MAPK4: variants seen among roughly 807,000 people sequenced by gnomAD.
MAPK4 encodes Erk3-related.
Under a neutral mutation model 47.7 loss-of-function variants are expected in MAPK4, and 22 were observed. The ratio of observed to expected loss-of-function variants is 0.46; its 90% CI spans 0.33 to 0.66. MAPK4 has a LOEUF of 0.66. MAPK4 is among the 30% of genes least tolerant of loss of function. MAPK4 has a pLI of 0.02. For synonymous variants in MAPK4, 390 were observed against 365.7 expected, an observed-to-expected ratio of 1.07 and a Z score of -0.76; for missense variants, 736 against 831.7, an observed-to-expected ratio of 0.88 and a Z score of 1.42.
chr18:50,685,869 C>T (rs756220881), intron 2 of MAPK4, among the ~76,000 whole-genome samples: 11 of 152,132 alleles, frequency 7.2e-5, no homozygotes, highest in South Asian at 2.1e-4. Context: ...GCTGTTTTCT[C>T]GGTGGCACTG....
At chr18:50,601,232 G>A (rs1351815522) in intron 1 of MAPK4, among the ~76,000 whole-genome samples, 1 of 148,694 alleles carries the variant, frequency 6.7e-6, no homozygotes, top group African/African-American at 2.5e-5. Flanking sequence ...TACATGGAAA[G>A]CTGAGGTGGG....
At chr18:50,595,612 G>T (rs1294326547) in intron 1 of MAPK4, among the ~76,000 whole-genome samples, 2 of 152,180 alleles carry the variant, frequency 1.3e-5, no homozygotes, top group Non-Finnish European at 2.9e-5. Flanking sequence ...CTTGATTGTG[G>T]TGATGGTCAT....
chr18:50,712,975 A>C (rs914360647), intron 2 of MAPK4, among the ~76,000 whole-genome samples: 1 of 152,218 alleles, frequency 6.6e-6, no homozygotes, highest in Non-Finnish European at 1.5e-5. Context: ...CTAACAGCCT[A>C]CTGTACACAC....
At chr18:50,603,828 A>G (rs2042561350) in intron 1 of MAPK4, among the ~76,000 whole-genome samples, 1 of 152,230 alleles carries the variant, frequency 6.6e-6, no homozygotes, top group South Asian at 2.1e-4. Flanking sequence ...AGGTTGTAAT[A>G]GCCTTCTATT....
Position 50,611,679 on chromosome 18 carries a change from G to A in MAPK4, c.-870-51410G>A, listed in dbSNP as rs116395055. ...CTTCAGGGAGTCATTTAATGACGTA[G>A]CGTTTGATCTTCAGGGTTTGCAGAG... On this transcript the variant is annotated intron_variant, in intron 1 of 5. Transcript: ENST00000400384. Among the ~76,000 whole-genome samples, 785 of 152,304 alleles carry A rather than the reference G, an allele frequency of 5.2e-3. 7 individuals carry two copies. Among genetic ancestry groups the A allele is most frequent in the African/African-American group, 0.018 (746 of 41,558 alleles).
intron 2 of MAPK4, among the ~76,000 whole-genome samples, chr18:50,703,205 C>T (rs1909880733): frequency 6.6e-6 from 1 of 152,202 alleles, no homozygotes; most frequent in African/African-American, 2.4e-5. Context: ...TCCATCCCCA[C>T]TGCCTGTACT....
chr18:50,684,342 C>T (rs1268378023), intron 2 of MAPK4, among the ~76,000 whole-genome samples: 3 of 151,862 alleles, frequency 2.0e-5, no homozygotes, highest in South Asian at 2.1e-4. Flanking sequence ...GCCAGGAGTT[C>T]GAGACCAGCC....
At chr18:50,717,972 T>A (rs1290943460) in intron 3 of MAPK4, among the ~76,000 whole-genome samples, 1 of 152,070 alleles carries the variant, frequency 6.6e-6, no homozygotes, top group African/African-American at 2.4e-5. Flanking sequence ...AAAGGGACAG[T>A]GAGGAGGCAG....
chr18:50,723,355 C>T (rs1911028337), intron 4 of MAPK4, among the ~76,000 whole-genome samples: 1 of 152,168 alleles, frequency 6.6e-6, no homozygotes, highest in African/African-American at 2.4e-5. Flanking sequence ...ATTCCATCAG[C>T]CCCAGGCACA....
chr18:50,653,592 G>C (rs964262067), intron 1 of MAPK4, among the ~76,000 whole-genome samples: 2 of 152,214 alleles, frequency 1.3e-5, no homozygotes, highest in Non-Finnish European at 1.5e-5. Context: ...ACCTTCTAGG[G>C]TGTGATCTTG....
At chr18:50,607,550 A>G (rs1333817807) in intron 1 of MAPK4, among the ~76,000 whole-genome samples, 2 of 152,160 alleles carry the variant, frequency 1.3e-5, no homozygotes, top group African/African-American at 4.8e-5. Flanking sequence ...TTGCCTCCAG[A>G]AAAGCGCTGC....
chr18:50,560,224 C>T lies in MAPK4; in HGVS notation c.-890C>T, dbSNP rs2042140373. 1 of 151,638 alleles carries T rather than the reference C, an allele frequency of 6.6e-6. No individual in the cohort carries two copies. The allele number at this position is 151,638 out of a possible 1,614,324, so 9.4% of individuals were successfully genotyped here. On this transcript the variant is annotated 5_prime_UTR_variant, in exon 1 of 6. The change creates a new upstream start codon in the 5' untranslated region. Coordinates refer to ENST00000400384, the MANE Select transcript of MAPK4 (RefSeq NM_002747.4). ...AGGGCGGCTCGCGCCCGGGCCGCCA[C>T]GCTCTCGGGCTCTGCCTCGGTAAGT...
intron 1 of MAPK4, among the ~76,000 whole-genome samples, chr18:50,587,344 A>G (rs2042397626): frequency 6.6e-6 from 1 of 152,254 alleles, no homozygotes; most frequent in Non-Finnish European, 1.5e-5. Context: ...GAACCCTCAC[A>G]GACACCGAAT....
At chr18:50,631,811 A>G (rs2042833094) in intron 1 of MAPK4, among the ~76,000 whole-genome samples, 1 of 152,200 alleles carries the variant, frequency 6.6e-6, no homozygotes, top group South Asian at 2.1e-4. Flanking sequence ...AAGTTGTCTG[A>G]TTAGAATGTG....
At chr18:50,637,907 C>T (rs1245938057) in intron 1 of MAPK4, among the ~76,000 whole-genome samples, 1 of 152,176 alleles carries the variant, frequency 6.6e-6, no homozygotes, top group East Asian at 1.9e-4. Flanking sequence ...TTCATTTTAC[C>T]TTAAGAACCT....
At chr18:50,576,988 CTGGAGCTTGGAGCT>C (rs968961910) in intron 1 of MAPK4, among the ~76,000 whole-genome samples, 1 of 152,042 alleles carries the variant, frequency 6.6e-6, no homozygotes, top group African/African-American at 2.4e-5. Flanking sequence ...CCCTGCTCTC[CTGGAGCTTGGAGCT>C]TGGAGCTTGG....
chr18:50,592,846 A>G (rs1233440986), intron 1 of MAPK4, among the ~76,000 whole-genome samples: 1 of 152,218 alleles, frequency 6.6e-6, no homozygotes, highest in Non-Finnish European at 1.5e-5. Context: ...AATAGAGGAC[A>G]ATTCAGACAA....
intron 2 of MAPK4, among the ~76,000 whole-genome samples, chr18:50,693,782 A>G (rs4940003): frequency 0.33 from 50,717 of 151,806 alleles, 8,554 homozygotes; most frequent in Middle Eastern, 0.35. Context: ...TATTTTATAG[A>G]GAGAAAAACT....
chr18:50,620,376 T>C (rs1464041386), intron 1 of MAPK4, among the ~76,000 whole-genome samples: 3 of 152,264 alleles, frequency 2.0e-5, no homozygotes, highest in Non-Finnish European at 2.9e-5. Context: ...TATCATTATA[T>C]GAAGAACTTA....
Sources: allele counts gnomAD v4.1 joint callset (sites outside exome capture counted in the v4.1 genomes callset), GRCh38; gene constraint gnomAD v4.1.1; transcripts MANE v1.5; gene names NCBI Gene and HGNC (gene_info 2026-07-23, HGNC 2026-07-21).